Variants in CYP4F8 observed in about 807,000 individuals in gnomAD.
CYP4F8 encodes cytochrome P450 4F8.
In CYP4F8, 56 loss-of-function variants were observed where a neutral mutation model predicts 55.0. That is an observed-to-expected ratio of 1.02 (90% CI 0.82 to 1.27). CYP4F8 has a LOEUF of 1.27. CYP4F8 is among the 50% of genes most tolerant of loss of function. The pLI, the probability that CYP4F8 is intolerant of heterozygous loss-of-function variation, is 0.00. For missense variants in CYP4F8, 680 were observed against 682.4 expected (o/e 1.00, Z 0.04); for synonymous variants, 288 against 267.3 (o/e 1.08, Z -0.76).
At position 15,623,089 on chromosome 19, in the gene CYP4F8, T is replaced by C; in HGVS notation, c.648-16T>C. On this transcript the variant is annotated splice_polypyrimidine_tract_variant and intron_variant, in intron 6 of 12. Coordinates refer to ENST00000612078, the MANE Select transcript of CYP4F8 (RefSeq NM_007253.4). ...TGGGTAAGGAGCTGCTTCCTCTCTC[T>C]GGACTGGCCCTGCAGGAAGCCCAGT... 4 of 1,609,234 alleles carry C rather than the reference T, an allele frequency of 2.5e-6. No homozygotes were observed. The highest frequency in any genetic ancestry group is 3.4e-6 in the Non-Finnish European group (4 of 1,176,396).
At chr19:15,623,944 G>C in intron 8 of CYP4F8, 21 bp from the exon 9 acceptor site, 1 of 1,613,152 alleles carries the variant, frequency 6.2e-7, no homozygotes, top group African/African-American at 1.3e-5. Flanking sequence ...AGAGACTCAA[G>C]CCTGCCTGGC....
At chr19:15,615,901 C>A (rs539967263) in intron 2 of CYP4F8, 87 bp downstream of exon 2, 7 of 635,606 alleles carry the variant, frequency 1.1e-5, no homozygotes, top group African/African-American at 5.8e-5. Context: ...GGGTCTGGGA[C>A]GGCAGAGAAA....
intron 3 of CYP4F8, 73 bp downstream of exon 3, chr19:15,618,217 T>G: frequency 6.2e-7 from 1 of 1,605,384 alleles, no homozygotes; most frequent in South Asian, 1.1e-5. Context: ...CCCCAAAGCT[T>G]CTGTGCAGCT....
Position 15,629,370 on chromosome 19 carries a change from A to G in CYP4F8, c.*12A>G. ...AACCCCTGGGCTGAGGCCTGCAGTGACCCACCCACCTACCTTTGCATCACC... is the reference window on the plus strand; with the variant it reads ...AACCCCTGGGCTGAGGCCTGCAGTGGCCCACCCACCTACCTTTGCATCACC... On this transcript the variant is annotated 3_prime_UTR_variant, in exon 13 of 13. Coordinates refer to ENST00000612078, the MANE Select transcript of CYP4F8 (RefSeq NM_007253.4). 4 of 1,590,060 alleles carry G rather than the reference A, an allele frequency of 2.5e-6. No individual in the cohort carries two copies. Among genetic ancestry groups the G allele is most frequent in the Non-Finnish European group, 3.4e-6 (4 of 1,168,174 alleles).
In CYP4F8 at chr19:15,623,113, G is replaced by T; in HGVS notation, c.656G>T (p.Ser219Ile). Residue 219 changes from serine to isoleucine, a missense_variant, in exon 7 of 13, where the codon AGT becomes ATT. Ser to Ile is a moderately radical substitution (Grantham distance 142). Coordinates refer to ENST00000612078, the MANE Select transcript of CYP4F8 (RefSeq NM_007253.4). The stretch of plus-strand genomic sequence containing the variant: ...CTGGACTGGCCCTGCAGGAAGCCCA[G>T]TGAATATATTACTGCGATCATGGAG... Reference protein sequence around the residue: ...SFDSNCQEKPSEYITAIMELS... With the variant: ...SFDSNCQEKPIEYITAIMELS... 1 of 1,613,536 alleles carries T rather than the reference G, an allele frequency of 6.2e-7. No homozygotes were observed. The highest frequency in any genetic ancestry group is 1.1e-5 in the South Asian group (1 of 91,070).
intron 6 of CYP4F8, 150 bp downstream of exon 6, chr19:15,622,490 G>A (rs1972207584): frequency 1.7e-6 from 2 of 1,203,360 alleles, no homozygotes; most frequent in Admixed American, 6.0e-5. Context: ...GAGAGAGAGA[G>A]AGAGCGAGAG....
In CYP4F8 at chr19:15,623,749, C is replaced by T. The variant is rs1972225961; in HGVS notation, c.969C>T (p.Asp323=). Residue 323 remains aspartate, a synonymous_variant, in exon 8 of 13, where the codon GAC becomes GAT. Transcript: ENST00000612078. ...LSDEDIRAEA[D]TFMFGGHDTT... is the part of the protein sequence containing the mutation. ...ATGAGGACATAAGAGCAGAAGCTGACACTTTCATGTTTGGAGGTGAGTGTC... is the reference window on the plus strand; with the variant it reads ...ATGAGGACATAAGAGCAGAAGCTGATACTTTCATGTTTGGAGGTGAGTGTC... The T allele has an allele frequency of 1.9e-6, 3 of 1,613,762 alleles. No individual in the cohort carries two copies. Among genetic ancestry groups the T allele is most frequent in the Admixed American group, 1.7e-5 (1 of 60,008 alleles).
intron 2 of CYP4F8, 53 bp downstream of exon 2, chr19:15,615,867 G>T: frequency 2.6e-6 from 4 of 1,518,386 alleles, no homozygotes; most frequent in Non-Finnish European, 3.5e-6. Flanking sequence ...GTGGAAATGG[G>T]GCTCAGGCTG....
Position 15,618,082 on chromosome 19 carries a change from C to G in CYP4F8, c.281C>G (p.Pro94Arg). 2.5e-6 allele frequency: 4 copies of G among 1,614,088 alleles called. No individual in the cohort carries two copies. In the East Asian group the frequency reaches 6.7e-5, roughly 27 times the overall value. ...CAGGGCTTTGTGAGGTGGTTGGGCC[C>G]CATCACTCCCATCATCAACTTGTGC... ...YPQGFVRWLGPITPIINLCHP... is the reference protein window; with the variant it reads ...YPQGFVRWLGRITPIINLCHP... The change falls in exon 3 of 13, where the codon CCC becomes CGC. Residue 94 changes from proline (P) to arginine (R), a missense_variant. Physicochemically the swap from Pro to Arg is moderately radical, Grantham distance 103. Coordinates refer to ENST00000612078, the MANE Select transcript of CYP4F8 (RefSeq NM_007253.4).
rs571138475 is a variant in CYP4F8, at chr19:15,628,436, G to A, written c.1249+1G>A. 6.2e-7 allele frequency: 1 copy of A among 1,614,040 alleles called. No individual in the cohort carries two copies. The highest frequency in any genetic ancestry group is 1.3e-5 in the African/African-American group (1 of 75,058). On this transcript the variant is annotated splice_donor_variant, in intron 10 of 12. Transcript: ENST00000612078. LOFTEE classifies it high-confidence loss of function. Reference sequence around the variant, plus strand: ...CCAGACAGCCGAGTCATCCCCAAAGGTGCCCTCCATGGCAGGGGAGGAGGG... The same window carrying A: ...CCAGACAGCCGAGTCATCCCCAAAGATGCCCTCCATGGCAGGGGAGGAGGG...
At chr19:15,623,830 C>G (rs1972227253) in intron 8 of CYP4F8, 65 bp downstream of exon 8, 2 of 1,602,354 alleles carry the variant, frequency 1.2e-6, no homozygotes, top group Non-Finnish European at 1.7e-6. Context: ...AAGTGGAGGG[C>G]CGGCCCTGAA....
At chr19:15,627,718 G>A (rs1972280085) in intron 9 of CYP4F8, 1 of 152,392 alleles carries the variant, frequency 6.6e-6, no homozygotes, top group Admixed American at 6.5e-5. Flanking sequence ...TCCTGCTTTT[G>A]TTACCTCTTT....
At position 15,617,992 on chromosome 19, in the gene CYP4F8, G is replaced by C. The variant is rs765050382; in HGVS notation, c.199-8G>C. 5.6e-6 allele frequency: 9 copies of C among 1,613,158 alleles called. No individual in the cohort carries two copies. The highest frequency in any genetic ancestry group is 1.7e-5 in the Admixed American group (1 of 60,000). ...CACAGGAGGTGATGGCCCTTGCCTTGCTTGCAGGTCACTCCCACAGAGGAG... is the reference window on the plus strand; with the variant it reads ...CACAGGAGGTGATGGCCCTTGCCTTCCTTGCAGGTCACTCCCACAGAGGAG... On this transcript the variant is annotated splice_region_variant and splice_polypyrimidine_tract_variant and intron_variant, in intron 2 of 12. Transcript: ENST00000612078.
At chr19:15,627,991 T>C (rs1972283476) in intron 9 of CYP4F8, 2 of 338,030 alleles carry the variant, frequency 5.9e-6, no homozygotes, top group South Asian at 6.4e-5. Context: ...ACTCCTGACC[T>C]CAAGTGATCC....
At chr19:15,621,461 G>T (rs1415525150) in intron 5 of CYP4F8, among the ~76,000 whole-genome samples, 1 of 152,192 alleles carries the variant, frequency 6.6e-6, no homozygotes, top group Non-Finnish European at 1.5e-5. Flanking sequence ...AGCAGGCAGA[G>T]GTTGCAGTGA....
chr19:15,619,336 C>T (rs1317140173), intron 3 of CYP4F8, 154 bp from the exon 4 acceptor site: 1 of 808,788 alleles, frequency 1.2e-6, no homozygotes, highest in East Asian at 2.7e-5. Flanking sequence ...CTTTATGCCC[C>T]CCACCCTCCT....
At position 15,623,831 on chromosome 19, in the gene CYP4F8, C is replaced by A; in HGVS notation, c.985+66C>A. 4 of 1,603,886 alleles carry A rather than the reference C, an allele frequency of 2.5e-6. No individual in the cohort carries two copies. The South Asian group carries it at 3.3e-5, about 13-fold the overall frequency. ...TCTCCACTCCAGGGAAGTGGAGGGC[C>A]GGCCCTGAATCACTTCATTCTGCCC... On this transcript the variant is annotated intron_variant, in intron 8 of 12. Coordinates refer to ENST00000612078, the MANE Select transcript of CYP4F8 (RefSeq NM_007253.4).
In CYP4F8 at chr19:15,629,560, C is replaced by A; in HGVS notation, c.*202C>A. 1 of 674,776 alleles carries A rather than the reference C, an allele frequency of 1.5e-6. No individual in the cohort carries two copies. The highest frequency in any genetic ancestry group is 2.3e-6 in the Non-Finnish European group (1 of 434,184). The allele number at this position is 674,776 out of a possible 1,614,324, so 41.8% of individuals were successfully genotyped here. A position where few individuals can be genotyped will look rare whatever the true frequency, so the allele number is the denominator to read the frequency against. On this transcript the variant is annotated 3_prime_UTR_variant, in exon 13 of 13. Transcript: ENST00000612078. ...GTCTCTGTGCCCAAGATACTCACTG[C>A]CTCTCTGGGTGAGCACAGGAGCCCC... is the stretch of plus-strand genomic sequence containing the variant.
intron 5 of CYP4F8, 111 bp downstream of exon 5, chr19:15,619,873 C>T: frequency 7.5e-7 from 1 of 1,340,538 alleles, no homozygotes; most frequent in Non-Finnish European, 1.0e-6. Flanking sequence ...ATTGCTCTTC[C>T]TCTCTGTGCC....
Sources: gnomAD v4.1 joint callset for allele counts (sites outside exome capture counted in the v4.1 genomes callset) on GRCh38, gnomAD v4.1.1 for gene constraint, MANE v1.5 for transcripts, NCBI Gene and HGNC (gene_info 2026-07-23, HGNC 2026-07-21) for gene names.